Variants in DPP10 observed in about 807,000 individuals in gnomAD.
DPP10 encodes dipeptidyl peptidase like 10, also known as inactive dipeptidyl peptidase 10.
Under a neutral mutation model 120.9 loss-of-function variants are expected in DPP10, and 33 were observed. The ratio of observed to expected loss-of-function variants is 0.27; its 90% CI spans 0.21 to 0.37. The LOEUF (loss-of-function observed/expected upper bound fraction) is 0.37. DPP10 is among the 10% of genes least tolerant of loss of function. DPP10 has a pLI of 1.00. For synonymous variants in DPP10, 337 were observed against 326.1 expected (o/e 1.03, Z -0.36); for missense variants, 816 against 942.8 (o/e 0.87, Z 1.76).
At chr2:115,153,164 T>C (rs1370304910) in intron 1 of DPP10, among the ~76,000 whole-genome samples, 1 of 152,196 alleles carries the variant, frequency 6.6e-6, no homozygotes, top group African/African-American at 2.4e-5. Flanking sequence ...GCTTGTCCTT[T>C]GCTCCAGAGG....
At chr2:114,648,768 C>G (rs1159453563) in intron 1 of DPP10, among the ~76,000 whole-genome samples, 1 of 152,010 alleles carries the variant, frequency 6.6e-6, no homozygotes, top group East Asian at 1.9e-4. Flanking sequence ...TCAGGTGCAC[C>G]CAATGCTAAA....
At chr2:114,937,723 C>G (rs940776260) in intron 1 of DPP10, among the ~76,000 whole-genome samples, 2 of 152,092 alleles carry the variant, frequency 1.3e-5, no homozygotes, top group African/African-American at 4.8e-5. Context: ...CTTTTATGGC[C>G]ACACTACTCT....
intron 1 of DPP10, among the ~76,000 whole-genome samples, chr2:115,244,674 C>T (rs992141791): frequency 2.6e-5 from 4 of 151,840 alleles, no homozygotes; most frequent in African/African-American, 9.7e-5. Context: ...ATGCTGAATA[C>T]ATTTTAATGA....
intron 7 of DPP10, among the ~76,000 whole-genome samples, chr2:115,711,764 A>C (rs1212109699): frequency 2.6e-5 from 4 of 152,136 alleles, no homozygotes; most frequent in Non-Finnish European, 4.4e-5. Flanking sequence ...CACATATCCC[A>C]AAGTGTTATG....
intron 3 of DPP10, among the ~76,000 whole-genome samples, chr2:115,404,420 G>C (rs1559551845): frequency 6.6e-6 from 1 of 152,134 alleles, no homozygotes; most frequent in Non-Finnish European, 1.5e-5. Context: ...TTCAACAGGA[G>C]ATTTAGGTGG....
chr2:115,287,346 G>C (rs1159487445), intron 1 of DPP10, among the ~76,000 whole-genome samples: 1 of 151,998 alleles, frequency 6.6e-6, no homozygotes, highest in East Asian at 1.9e-4. Flanking sequence ...GGGTTATGTG[G>C]ATGATCGTAC....
chr2:115,791,094 G>A lies in DPP10; in HGVS notation c.1545G>A (p.Leu515=). The A allele has an allele frequency of 6.2e-7, 1 of 1,611,980 alleles. No individual in the cohort carries two copies. The highest frequency in any genetic ancestry group is 8.5e-7 in the Non-Finnish European group (1 of 1,179,136). ...TTTGGTTTACAGAATATTTTATATT[G>A]GAAAGCAATTCTATGCTGAAGGAAG... is the stretch of plus-strand genomic sequence containing the variant. ...STDNPAKYFI[L]ESNSMLKEAI... The change falls in exon 18 of 26, where the codon TTG becomes TTA. Residue 515 remains leucine, a synonymous_variant. Coordinates refer to ENST00000410059, the MANE Select transcript of DPP10 (RefSeq NM_020868.6).
At chr2:115,133,530 A>G (rs2050491361) in intron 1 of DPP10, among the ~76,000 whole-genome samples, 1 of 152,124 alleles carries the variant, frequency 6.6e-6, no homozygotes, top group African/African-American at 2.4e-5. Flanking sequence ...TGAAAATAAC[A>G]ATGGAGTACT....
At chr2:114,981,626 A>C (rs564540519) in intron 1 of DPP10, among the ~76,000 whole-genome samples, 19 of 152,120 alleles carry the variant, frequency 1.2e-4, no homozygotes, top group African/African-American at 4.6e-4. Context: ...TGTTATCCAG[A>C]CTGGAATGCA....
chr2:114,812,474 G>C lies in DPP10; in HGVS notation c.60+369636G>C, dbSNP rs567746664. On this transcript the variant is annotated intron_variant, in intron 1 of 25. Transcript: ENST00000410059. Reference sequence around the variant, plus strand: ...ATGGTGGAATGTGCCTGTCGTTCCAGCTACTCAGGATGCTAAGGTGGGAGG... The same window carrying C: ...ATGGTGGAATGTGCCTGTCGTTCCACCTACTCAGGATGCTAAGGTGGGAGG... 9.9e-5 allele frequency among the ~76,000 whole-genome samples: 15 copies of C among 151,982 alleles called. No individual in the cohort carries two copies. In the South Asian group the frequency reaches 2.3e-3, roughly 23 times the overall value.
chr2:115,780,011 G>T (rs1195817415), intron 15 of DPP10, among the ~76,000 whole-genome samples: 1 of 151,854 alleles, frequency 6.6e-6, no homozygotes, highest in African/African-American at 2.4e-5. Context: ...CAAAATCAAC[G>T]TGAATATTGT....
At chr2:115,468,060 C>G (rs944461304) in intron 3 of DPP10, 8 of 405,488 alleles carry the variant, frequency 2.0e-5, no homozygotes, top group African/African-American at 1.5e-4. Context: ...TTTACAATGT[C>G]TGGAACCTGC....
chr2:115,825,734 C>T (rs1688244266), intron 21 of DPP10, among the ~76,000 whole-genome samples: 1 of 152,162 alleles, frequency 6.6e-6, no homozygotes, highest in Non-Finnish European at 1.5e-5. Flanking sequence ...GATTATCTGT[C>T]TACTTTTTCT....
chr2:115,362,721 G>T (rs1405483739), intron 3 of DPP10, among the ~76,000 whole-genome samples: 1 of 152,160 alleles, frequency 6.6e-6, no homozygotes. Flanking sequence ...TAAAGGTACA[G>T]TTGAAGCTAC....
At chr2:115,393,919 G>A (rs747696494) in intron 3 of DPP10, among the ~76,000 whole-genome samples, 1 of 152,172 alleles carries the variant, frequency 6.6e-6, no homozygotes, top group African/African-American at 2.4e-5. Context: ...AAACAATGAA[G>A]TGTAATCTAG....
intron 3 of DPP10, among the ~76,000 whole-genome samples, chr2:115,367,497 AT>A (rs2065148461): frequency 6.6e-6 from 1 of 152,034 alleles, no homozygotes; most frequent in Non-Finnish European, 1.5e-5. Context: ...ACCAGGCACA[AT>A]TTTAATATTA....
chr2:114,454,034 G>T (rs936261516), intron 1 of DPP10, among the ~76,000 whole-genome samples: 1 of 152,116 alleles, frequency 6.6e-6, no homozygotes, highest in Non-Finnish European at 1.5e-5. Flanking sequence ...TGACCATAGC[G>T]TATGAAAAGT....
At chr2:115,402,867 A>G (rs2068187442) in intron 3 of DPP10, among the ~76,000 whole-genome samples, 1 of 138,222 alleles carries the variant, frequency 7.2e-6, no homozygotes, top group African/African-American at 2.7e-5. Flanking sequence ...ATATATATAT[A>G]TATATATATG....
chr2:115,493,514 T>C (rs562173183), intron 3 of DPP10, among the ~76,000 whole-genome samples: 7 of 120,826 alleles, frequency 5.8e-5, no homozygotes, highest in Admixed American at 1.7e-4. Flanking sequence ...TGAAGAGCTG[T>C]TGGAAAAAAA....
Sources: gnomAD v4.1 joint callset for allele counts (sites outside exome capture counted in the v4.1 genomes callset) on GRCh38, gnomAD v4.1.1 for gene constraint, MANE v1.5 for transcripts, NCBI Gene and HGNC (gene_info 2026-07-23, HGNC 2026-07-21) for gene names.